IQUB: variants seen among roughly 807,000 people sequenced by gnomAD.
IQUB encodes IQ motif and ubiquitin domain containing, also known as IQ motif and ubiquitin-like domain-containing protein.
In IQUB, 86 loss-of-function variants were observed where a neutral mutation model predicts 86.4. The ratio of observed to expected loss-of-function variants is 1.00; its 90% CI spans 0.84 to 1.19. IQUB has a LOEUF of 1.19. Ranked by LOEUF, IQUB falls within the 50% of genes most tolerant of loss-of-function variation. The pLI is 0.00. For missense variants in IQUB, 946 were observed against 916.9 expected, an observed-to-expected ratio of 1.03 and a Z score of -0.41; for synonymous variants, 289 against 304.5, an observed-to-expected ratio of 0.95 and a Z score of 0.53.
chr7:123,526,912 G>C (rs960165860), intron 1 of IQUB, among the ~76,000 whole-genome samples: 14 of 152,200 alleles, frequency 9.2e-5, no homozygotes, highest in African/African-American at 3.4e-4. Context: ...AAATCTCTCA[G>C]CATTTGCTTG....
intron 12 of IQUB, 48 bp from the exon 13 acceptor site, chr7:123,452,973 G>T (rs904747379): frequency 4.7e-6 from 7 of 1,477,732 alleles, no homozygotes; most frequent in Non-Finnish European, 5.5e-6. Flanking sequence ...GATATATTTT[G>T]CCAGGTAAAA....
rs1436580604 is a variant in IQUB at position 123,502,689 on chromosome 7, T to C, written c.931A>G (p.Ile311Val). Reference protein sequence around the residue: ...TNTTSTQMTNIGVYVSNMTDK... With the variant: ...TNTTSTQMTNVGVYVSNMTDK... ...GTCATATTTGATACATATACACCAA[T>C]GTTAGTCATCTGTGTGGATGTTGTA... The change falls in exon 6 of 13, where the codon ATT becomes GTT. Residue 311 changes from isoleucine (I) to valine (V), a missense_variant. Physicochemically the swap from Ile to Val is conservative, Grantham distance 29 (BLOSUM62 3). Transcript: ENST00000324698. The C allele has an allele frequency of 6.2e-7, 1 of 1,611,758 alleles. No homozygotes were observed. The highest frequency in any genetic ancestry group is 1.3e-5 in the African/African-American group (1 of 74,854).
chr7:123,475,373 C>CTT (rs35957699), intron 8 of IQUB, among the ~76,000 whole-genome samples: 43 of 92,934 alleles, frequency 4.6e-4, no homozygotes, highest in African/African-American at 1.5e-3. Flanking sequence ...CTCCATTTCA[C>CTT]TTTTTTTTTT....
chr7:123,456,112 T>C (rs192114062), intron 12 of IQUB, among the ~76,000 whole-genome samples: 118 of 152,186 alleles, frequency 7.8e-4, no homozygotes, highest in Non-Finnish European at 1.4e-3. Flanking sequence ...AAAAGGCAAA[T>C]GTTTTTCCAG....
intron 8 of IQUB, among the ~76,000 whole-genome samples, chr7:123,478,773 G>T (rs1043677985): frequency 6.6e-6 from 1 of 152,116 alleles, no homozygotes; most frequent in Non-Finnish European, 1.5e-5. Flanking sequence ...ATTTCATACA[G>T]ATAGGTTATA....
At chr7:123,528,322 G>A (rs1237467440) in intron 1 of IQUB, among the ~76,000 whole-genome samples, 1 of 152,104 alleles carries the variant, frequency 6.6e-6, no homozygotes, top group Non-Finnish European at 1.5e-5. Context: ...ATTCCTATTT[G>A]GACATCTTGA....
chr7:123,508,090 G>A (rs990452540), intron 3 of IQUB, among the ~76,000 whole-genome samples: 1 of 152,142 alleles, frequency 6.6e-6, no homozygotes, highest in Non-Finnish European at 1.5e-5. Flanking sequence ...ATTAGAGGAA[G>A]GAAGAGGAAG....
chr7:123,478,615 G>A (rs890221796), intron 8 of IQUB, among the ~76,000 whole-genome samples: 6 of 152,068 alleles, frequency 3.9e-5, no homozygotes, highest in Non-Finnish European at 5.9e-5. Flanking sequence ...CTTAGTAAGT[G>A]CTCAAAATCA....
intron 7 of IQUB, among the ~76,000 whole-genome samples, chr7:123,495,606 A>C (rs887745754): frequency 2.9e-4 from 44 of 152,226 alleles, no homozygotes; most frequent in African/African-American, 9.4e-4. Flanking sequence ...AATTGAGGCT[A>C]TTTCTAGGTT....
At position 123,452,633 on chromosome 7, in the gene IQUB, AAAC is replaced by A. The variant is rs933753268; in HGVS notation, c.*107_*109del. 4.7e-6 allele frequency: 3 copies of A among 643,562 alleles called. No individual in the cohort carries two copies. Among genetic ancestry groups the A allele is most frequent in the African/African-American group, 1.9e-5 (1 of 53,832 alleles). 39.9% of individuals were successfully genotyped at this position (643,562 alleles called of 1,614,324 possible). ...AACTCAAAATACTATGAAAAACAAA[AAAC>A]AAAATCAATAAACAGATTAAATTCC... On this transcript the variant is annotated 3_prime_UTR_variant, in exon 13 of 13. Transcript: ENST00000324698.
intron 1 of IQUB, among the ~76,000 whole-genome samples, chr7:123,527,714 T>C (rs1393331686): frequency 6.6e-6 from 1 of 152,132 alleles, no homozygotes; most frequent in Non-Finnish European, 1.5e-5. Flanking sequence ...ACTGCTCTCT[T>C]CAAAGCTGTC....
At chr7:123,518,981 T>A (rs1001817038) in intron 1 of IQUB, among the ~76,000 whole-genome samples, 1 of 148,818 alleles carries the variant, frequency 6.7e-6, no homozygotes, top group African/African-American at 2.5e-5. Flanking sequence ...AAATACCCCC[T>A]AATTTATTTT....
At chr7:123,514,888 T>C (rs538319192) in intron 1 of IQUB, among the ~76,000 whole-genome samples, 8 of 152,212 alleles carry the variant, frequency 5.3e-5, no homozygotes, top group Non-Finnish European at 1.2e-4. Flanking sequence ...CTTAAAATAA[T>C]GGCCTCCCAT....
chr7:123,527,903 C>T (rs903791577), intron 1 of IQUB, among the ~76,000 whole-genome samples: 5 of 152,220 alleles, frequency 3.3e-5, no homozygotes, highest in Non-Finnish European at 4.4e-5. Flanking sequence ...GGCGGGCGCC[C>T]CTCCCCCAGC....
chr7:123,527,772 G>A (rs1378486943), intron 1 of IQUB, among the ~76,000 whole-genome samples: 1 of 152,122 alleles, frequency 6.6e-6, no homozygotes, highest in Non-Finnish European at 1.5e-5. Flanking sequence ...CTTTTTGTTT[G>A]TCTGTGCCCT....
intron 12 of IQUB, among the ~76,000 whole-genome samples, chr7:123,455,925 G>A (rs539068463): frequency 6.6e-6 from 1 of 151,962 alleles, no homozygotes; most frequent in African/African-American, 2.4e-5. Context: ...GTTTTTCCAC[G>A]TTTCCTATAC....
chr7:123,478,259 TGA>T (rs564030095), intron 8 of IQUB, among the ~76,000 whole-genome samples: 4,881 of 152,180 alleles, frequency 0.032, 252 homozygotes, highest in African/African-American at 0.11. Flanking sequence ...TAAAAAAGGA[TGA>T]GTTCACATCC....
intron 6 of IQUB, among the ~76,000 whole-genome samples, chr7:123,497,274 G>A (rs891588042): frequency 1.3e-5 from 2 of 152,140 alleles, no homozygotes; most frequent in Non-Finnish European, 2.9e-5. Context: ...GATAATAAGA[G>A]TATACATATA....
chr7:123,526,242 A>G (rs1026654037), intron 1 of IQUB, among the ~76,000 whole-genome samples: 2 of 152,118 alleles, frequency 1.3e-5, no homozygotes, highest in Non-Finnish European at 2.9e-5. Flanking sequence ...GCTGAGTTCA[A>G]TTCCTGGGTA....
Sources: gnomAD v4.1 joint callset for allele counts (sites outside exome capture counted in the v4.1 genomes callset) on GRCh38, gnomAD v4.1.1 for gene constraint, MANE v1.5 for transcripts, NCBI Gene and HGNC (gene_info 2026-07-23, HGNC 2026-07-21) for gene names.